OR13J1: variants seen among roughly 807,000 people sequenced by gnomAD.
OR13J1 encodes the protein olfactory receptor 13J1.
OR13J1 carries 6 observed loss-of-function variants against 6.4 expected under a neutral mutation model. That is an observed-to-expected ratio of 0.93 (90% confidence interval 0.51 to 1.84). The LOEUF (loss-of-function observed/expected upper bound fraction) is 1.84. Ranked by LOEUF, OR13J1 falls within the 40% of genes most tolerant of loss-of-function variation. OR13J1 has a pLI of 0.01. For missense variants in OR13J1, 382 were observed against 395.6 expected, an observed-to-expected ratio of 0.97 and a Z score of 0.29; for synonymous variants, 175 against 182.4, an observed-to-expected ratio of 0.96 and a Z score of 0.33.
chr9:35,869,720 C>G lies in OR13J1; in HGVS notation c.682G>C (p.Val228Leu). The G allele has an allele frequency of 6.2e-7, 1 of 1,613,448 alleles. No individual in the cohort carries two copies. Among genetic ancestry groups the G allele is most frequent in the South Asian group, 1.1e-5 (1 of 91,084 alleles). The stretch of plus-strand genomic sequence containing the variant: ...TTGCAGCACCTGGCGGCCGAGGGCA[C>G]CCTCAGGATGGTGGCCAGGATGAGC... ...YLLILATILR[V>L]PSAARCCKAF... is the part of the protein sequence containing the mutation. The change falls in exon 1 of 1, where the codon GTG (valine) becomes CTG (leucine). Residue 228 changes from valine to leucine, a missense_variant. By Grantham distance (32) the Val-to-Leu change is conservative. Transcript: ENST00000377981.
rs780935245 is a variant in OR13J1 at position 35,869,652 on chromosome 9, AAGC to A, written c.747_749del (p.Leu250del). ...ACATGAAGATGATGGTGCCGTAGAA[AAGC>A]AGCACTACAGCCAGGTGTGCCAAGC... On this transcript the variant is annotated inframe_deletion, in exon 1 of 1. Transcript: ENST00000377981. 1 of 1,614,046 alleles carries A rather than the reference AAGC, an allele frequency of 6.2e-7. No homozygotes were observed.
At position 35,869,563 on chromosome 9, in the gene OR13J1, A is replaced by G. The variant is rs760093772; in HGVS notation, c.839T>C (p.Met280Thr). 3 of 1,614,114 alleles carry G rather than the reference A, an allele frequency of 1.9e-6. No homozygotes were observed. Among genetic ancestry groups the G allele is most frequent in the Non-Finnish European group, 2.5e-6 (3 of 1,180,008 alleles). ...GGTGGGGTTCAGCATGGTCGTGACCATGGCATAGAGGACTGTGAAGACCTC... is the reference window on the plus strand; with the variant it reads ...GGTGGGGTTCAGCATGGTCGTGACCGTGGCATAGAGGACTGTGAAGACCTC... ...SDEVFTVLYA[M>T]VTTMLNPTIY... Residue 280 changes from methionine (M) to threonine (T), a missense_variant, in exon 1 of 1, where the codon ATG becomes ACG. Coordinates refer to ENST00000377981, the MANE Select transcript of OR13J1 (RefSeq NM_001004487.1).
chr9:35,869,835 G>A lies in OR13J1; in HGVS notation c.567C>T (p.Cys189=), dbSNP rs781692025. 37 of 1,613,972 alleles carry A rather than the reference G, an allele frequency of 2.3e-5. No homozygotes were observed. Among genetic ancestry groups the A allele is most frequent in the African/African-American group, 8.0e-5 (6 of 74,920 alleles). ...CKILAVLKLA[C]GNTSVSEDFL... is the part of the protein sequence containing the mutation. ...AGTCTTCGCTGACCGACGTGTTGCC[G>A]CATGCCAGCTTCAGCACTGCCAGGA... The change falls in exon 1 of 1, where the codon TGC becomes TGT. Residue 189 remains cysteine, a synonymous_variant. Coordinates refer to ENST00000377981, the MANE Select transcript of OR13J1 (RefSeq NM_001004487.1).
In OR13J1 at chr9:35,870,038, G is replaced by A. The variant is rs779397899; in HGVS notation, c.364C>T (p.Arg122Cys). The change falls in exon 1 of 1, where the codon CGC becomes TGC. Residue 122 changes from arginine (R) to cysteine (C), a missense_variant. Physicochemically the swap from Arg to Cys is radical, Grantham distance 180 (BLOSUM62 -3). Coordinates refer to ENST00000377981, the MANE Select transcript of OR13J1 (RefSeq NM_001004487.1). ...AGTGGCTGGCAGATGGCCAGGTAGC[G>A]GTCATAGGCCGTGATGGCCAGTAGC... The part of the protein sequence containing the change: ...CLLLAITAYD[R>C]YLAICQPLRY... 39 of 1,614,136 alleles carry A rather than the reference G, an allele frequency of 2.4e-5. No individual in the cohort carries two copies. The highest frequency in any genetic ancestry group is 6.7e-5 in the East Asian group (3 of 44,886).
At position 35,869,833 on chromosome 9, in the gene OR13J1, C is replaced by T. The variant is rs1832776230; in HGVS notation, c.569G>A (p.Gly190Asp). Residue 190 changes from glycine (G) to aspartate (D), a missense_variant, in exon 1 of 1, where the codon GGC becomes GAC. Gly to Asp is a moderately conservative substitution (Grantham distance 94). Transcript: ENST00000377981. Reference sequence around the variant, plus strand: ...GAAGTCTTCGCTGACCGACGTGTTGCCGCATGCCAGCTTCAGCACTGCCAG... The same window carrying T: ...GAAGTCTTCGCTGACCGACGTGTTGTCGCATGCCAGCTTCAGCACTGCCAG... ...KILAVLKLAC[G>D]NTSVSEDFLL... The T allele has an allele frequency of 1.2e-6, 2 of 1,613,990 alleles. No homozygotes were observed. Among genetic ancestry groups the T allele is most frequent in the East Asian group, 2.2e-5 (1 of 44,898 alleles).
chr9:35,869,569 T>G lies in OR13J1; in HGVS notation c.833A>C (p.Tyr278Ser), dbSNP rs753349611. ...HISDEVFTVL[Y>S]AMVTTMLNPT... The stretch of plus-strand genomic sequence containing the variant: ...GTTCAGCATGGTCGTGACCATGGCA[T>G]AGAGGACTGTGAAGACCTCATCAGA... Residue 278 changes from tyrosine to serine, a missense_variant, in exon 1 of 1, where the codon TAT becomes TCT. Transcript: ENST00000377981. The G allele has an allele frequency of 1.9e-6, 3 of 1,614,032 alleles. No individual in the cohort carries two copies. The highest frequency in any genetic ancestry group is 4.5e-5 in the East Asian group (2 of 44,890).
chr9:35,870,048 C>T lies in OR13J1; in HGVS notation c.354G>A (p.Thr118=), dbSNP rs768177268. The change falls in exon 1 of 1, where the codon ACG becomes ACA. Residue 118 remains threonine, a synonymous_variant. Coordinates refer to ENST00000377981, the MANE Select transcript of OR13J1 (RefSeq NM_001004487.1). ...AGATGGCCAGGTAGCGGTCATAGGC[C>T]GTGATGGCCAGTAGCAGGCACTCCG... The part of the protein sequence containing the change: ...GSTECLLLAI[T]AYDRYLAICQ... 13 of 1,614,196 alleles carry T rather than the reference C, an allele frequency of 8.1e-6. No homozygotes were observed. Among genetic ancestry groups the T allele is most frequent in the East Asian group, 2.2e-5 (1 of 44,876 alleles).
Position 35,869,908 on chromosome 9 carries a change from C to A in OR13J1, c.494G>T (p.Arg165Met), listed in dbSNP as rs201270670. Reference protein sequence around the residue: ...KSVTEMVISMRLPFCGHHVVS... With the variant: ...KSVTEMVISMMLPFCGHHVVS... ...CACGTGGTGGCCACAGAAGGGCAGC[C>A]TCATGGAGATGACCATCTCAGTCAC... Residue 165 changes from arginine to methionine, a missense_variant, in exon 1 of 1, where the codon AGG becomes ATG. Physicochemically the swap from Arg to Met is moderately conservative, Grantham distance 91. Transcript: ENST00000377981. 272 of 1,614,072 alleles carry A rather than the reference C, an allele frequency of 1.7e-4. No individual in the cohort carries two copies. Among genetic ancestry groups the A allele is most frequent in the Non-Finnish European group, 2.2e-4 (262 of 1,180,050 alleles).
chr9:35,869,646 G>T lies in OR13J1; in HGVS notation c.756C>A (p.Tyr252Ter). The stretch of plus-strand genomic sequence containing the variant: ...TCAAGTACATGAAGATGATGGTGCC[G>T]TAGAAAAGCAGCACTACAGCCAGGT... ...LAHLAVVLLFYGTIIFMYLKP... is the reference protein window; with the variant it reads ...LAHLAVVLLF Residue 252 changes from tyrosine to a stop codon, truncating the protein, a stop_gained, in exon 1 of 1, where the codon TAC becomes TAA. Transcript: ENST00000377981. LOFTEE classifies it high-confidence loss of function. 6.2e-7 allele frequency: 1 copy of T among 1,613,972 alleles called. No individual in the cohort carries two copies.
In OR13J1 at chr9:35,869,730, G is replaced by T. The variant is rs1588202586; in HGVS notation, c.672C>A (p.Thr224=). ...ICLSYLLILA[T]ILRVPSAARC... ...TGGCGGCCGAGGGCACCCTCAGGATGGTGGCCAGGATGAGCAAGTAGGACA... is the reference window on the plus strand; with the variant it reads ...TGGCGGCCGAGGGCACCCTCAGGATTGTGGCCAGGATGAGCAAGTAGGACA... Residue 224 remains threonine (T), a synonymous_variant, in exon 1 of 1, where the codon ACC becomes ACA. Transcript: ENST00000377981. 1.2e-6 allele frequency: 2 copies of T among 1,613,522 alleles called. No homozygotes were observed. The highest frequency in any genetic ancestry group is 1.3e-5 in the African/African-American group (1 of 75,048).
rs749331607 is a variant in OR13J1 at position 35,869,744 on chromosome 9, G to A, written c.658C>T (p.Leu220Phe). The change falls in exon 1 of 1, where the codon CTC (leucine) becomes TTC (phenylalanine). Residue 220 changes from leucine to phenylalanine, a missense_variant. By Grantham distance (22) the Leu-to-Phe change is conservative. Transcript: ENST00000377981. ...ACCCTCAGGATGGTGGCCAGGATGA[G>A]CAAGTAGGACAGGCAGATGAATGCC... is the stretch of plus-strand genomic sequence containing the variant. ...PLAFICLSYL[L>F]ILATILRVPS... 1.2e-5 allele frequency: 20 copies of A among 1,613,414 alleles called. No individual in the cohort carries two copies. The highest frequency in any genetic ancestry group is 1.6e-5 in the Non-Finnish European group (19 of 1,180,036).
At position 35,870,136 on chromosome 9, in the gene OR13J1, C is replaced by T. The variant is rs140653664; in HGVS notation, c.266G>A (p.Arg89Gln). ...ACAGACAGCAAAGGAGATGGTCTTC[C>T]GGGATGACAGGAGGTGGACCAGCAT... ...PLMLVHLLSSRKTISFAVCAI... is the reference protein window; with the variant it reads ...PLMLVHLLSSQKTISFAVCAI... The change falls in exon 1 of 1, where the codon CGG (arginine) becomes CAG (glutamine). Residue 89 changes from arginine to glutamine, a missense_variant. Transcript: ENST00000377981. 5.0e-4 allele frequency: 806 copies of T among 1,614,182 alleles called. 1 individual carries two copies. Among genetic ancestry groups the T allele is most frequent in the South Asian group, 7.2e-4 (66 of 91,080 alleles).
At position 35,869,657 on chromosome 9, in the gene OR13J1, G is replaced by C; in HGVS notation, c.745C>G (p.Leu249Val). Residue 249 changes from leucine to valine, a missense_variant, in exon 1 of 1, where the codon CTG becomes GTG. Leu to Val is a conservative substitution (Grantham distance 32, BLOSUM62 1). Transcript: ENST00000377981. ...STCLAHLAVV[L>V]LFYGTIIFMY... ...AAGATGATGGTGCCGTAGAAAAGCA[G>C]CACTACAGCCAGGTGTGCCAAGCAG... 1 of 1,614,028 alleles carries C rather than the reference G, an allele frequency of 6.2e-7. No individual in the cohort carries two copies. Among genetic ancestry groups the C allele is most frequent in the Non-Finnish European group, 8.5e-7 (1 of 1,180,010 alleles).
Position 35,869,902 on chromosome 9 carries a change from G to A in OR13J1, c.500C>T (p.Pro167Leu). The change falls in exon 1 of 1, where the codon CCC becomes CTC. Residue 167 changes from proline to leucine, a missense_variant. Physicochemically the swap from Pro to Leu is moderately conservative, Grantham distance 98. Transcript: ENST00000377981. ...ACTGACCACGTGGTGGCCACAGAAG[G>A]GCAGCCTCATGGAGATGACCATCTC... is the stretch of plus-strand genomic sequence containing the variant. ...VTEMVISMRL[P>L]FCGHHVVSHF... 1 of 1,614,180 alleles carries A rather than the reference G, an allele frequency of 6.2e-7. No individual in the cohort carries two copies. The highest frequency in any genetic ancestry group is 1.7e-4 in the Middle Eastern group (1 of 6,060).
Position 35,869,481 on chromosome 9 carries a change from C to A in OR13J1, c.921G>T (p.Arg307Ser). Residue 307 changes from arginine to serine, a missense_variant, in exon 1 of 1, where the codon AGG becomes AGT. Transcript: ENST00000377981. ...CCCTCCCTCACCTGGAGGCCCGACT[C>A]CTGCCCCACACCTTCCTGGCGGCCT... is the stretch of plus-strand genomic sequence containing the variant. ...VKEAARKVWG[R>S]SRASR 1.2e-6 allele frequency: 2 copies of A among 1,613,080 alleles called. No homozygotes were observed. The highest frequency in any genetic ancestry group is 1.7e-6 in the Non-Finnish European group (2 of 1,179,708).
Position 35,869,964 on chromosome 9 carries a change from T to G in OR13J1, c.438A>C (p.Gly146=), listed in dbSNP as rs770412516. ...TGAGGAGGCAGAGGACCCAGGCAGC[T>G]CCCATCAGCAGCACGCAGAGCCGGT... The part of the protein sequence containing the change: ...MSHRLCVLLM[G]AAWVLCLLKS... The change falls in exon 1 of 1, where the codon GGA becomes GGC. Residue 146 remains glycine, a synonymous_variant. Coordinates refer to ENST00000377981, the MANE Select transcript of OR13J1 (RefSeq NM_001004487.1). 7.4e-6 allele frequency: 12 copies of G among 1,614,068 alleles called. No individual in the cohort carries two copies. Among genetic ancestry groups the G allele is most frequent in the African/African-American group, 2.7e-5 (2 of 74,918 alleles).
rs566619630 is a variant in OR13J1, at chr9:35,870,051, G to A, written c.351C>T (p.Ile117=). 1.8e-4 allele frequency: 298 copies of A among 1,614,218 alleles called. 3 individuals carry two copies. In the South Asian group the frequency reaches 3.0e-3, roughly 16 times the overall value. Residue 117 remains isoleucine (I), a synonymous_variant, in exon 1 of 1, where the codon ATC becomes ATT. Transcript: ENST00000377981. The stretch of plus-strand genomic sequence containing the variant: ...TGGCCAGGTAGCGGTCATAGGCCGT[G>A]ATGGCCAGTAGCAGGCACTCCGTGG... ...TGSTECLLLA[I]TAYDRYLAIC...
chr9:35,869,860 A>T lies in OR13J1; in HGVS notation c.542T>A (p.Ile181Asn). The part of the protein sequence containing the change: ...HHVVSHFTCK[I>N]LAVLKLACGN... ...GCATGCCAGCTTCAGCACTGCCAGGATCTTGCAGGTGAAGTGACTGACCAC... is the reference window on the plus strand; with the variant it reads ...GCATGCCAGCTTCAGCACTGCCAGGTTCTTGCAGGTGAAGTGACTGACCAC... Residue 181 changes from isoleucine (I) to asparagine (N), a missense_variant, in exon 1 of 1, where the codon ATC becomes AAC. Coordinates refer to ENST00000377981, the MANE Select transcript of OR13J1 (RefSeq NM_001004487.1). The T allele has an allele frequency of 6.2e-7, 1 of 1,614,124 alleles. No homozygotes were observed. Among genetic ancestry groups the T allele is most frequent in the Non-Finnish European group, 8.5e-7 (1 of 1,180,028 alleles).
rs370940449 is a variant in OR13J1 at position 35,870,232 on chromosome 9, G to A, written c.170C>T (p.Thr57Met). The A allele has an allele frequency of 1.7e-5, 27 of 1,614,068 alleles. 1 individual carries two copies. Among genetic ancestry groups the A allele is most frequent in the Admixed American group, 1.0e-4 (6 of 60,006 alleles). The change falls in exon 1 of 1, where the codon ACG (threonine) becomes ATG (methionine). Residue 57 changes from threonine to methionine, a missense_variant. Transcript: ENST00000377981. ...AVSVLDIHLH[T>M]PVYFFLGNLS... The stretch of plus-strand genomic sequence containing the variant: ...GTTGCCCAGGAAGAAGTACACGGGC[G>A]TGTGCAGGTGGATATCTAGCACGCT...
Sources: gnomAD v4.1 joint callset for allele counts on GRCh38, gnomAD v4.1.1 for gene constraint, MANE v1.5 for transcripts, NCBI Gene and HGNC (gene_info 2026-07-23, HGNC 2026-07-21) for gene names.